Variants in NRDC observed in about 807,000 individuals in gnomAD.
The protein encoded by NRDC is nardilysin.
Under a neutral mutation model 147.1 loss-of-function variants are expected in NRDC, and 54 were observed. That is an observed-to-expected ratio of 0.37 (90% CI 0.29 to 0.46). The LOEUF is 0.46. Ranked by LOEUF, NRDC falls within the 20% of genes least tolerant of loss-of-function variation. The pLI is 1.00. For synonymous variants in NRDC, 440 were observed against 482.1 expected (o/e 0.91, Z 1.14); for missense variants, 1,082 against 1,370.6 (o/e 0.79, Z 3.33).
At chr1:51,836,083 G>T in intron 3 of NRDC, 48 bp downstream of exon 3, 2 of 1,391,106 alleles carry the variant, frequency 1.4e-6, no homozygotes, top group Non-Finnish European at 2.0e-6. Flanking sequence ...ATATAAGTTT[G>T]GAGGGGGGAA....
chr1:51,812,069 CAT>C lies in NRDC; in HGVS notation c.1702_1703del (p.Met568ValfsTer2), dbSNP rs777243211. ...QTDPVEYVEN[M>X]CENMQLYPLQ... ...ATGGGTACAGCTGCATGTTCTCACA[CAT>C]GTTTTCCACATACTCAACTGGATCT... On this transcript the variant is annotated frameshift_variant, in exon 15 of 31. Coordinates refer to ENST00000352171, the MANE Select transcript of NRDC (RefSeq NM_001101662.2). LOFTEE classifies it high-confidence loss of function. 1.1e-5 allele frequency: 17 copies of C among 1,613,858 alleles called. No individual in the cohort carries two copies. The highest frequency in any genetic ancestry group is 1.7e-5 in the Admixed American group (1 of 60,006).
intron 1 of NRDC, among the ~76,000 whole-genome samples, chr1:51,855,723 A>G (rs1682202379): frequency 6.6e-6 from 1 of 152,104 alleles, no homozygotes; most frequent in African/African-American, 2.4e-5. Context: ...TACAAAAAAA[A>G]GTAGCTAGGT....
In NRDC at chr1:51,809,372, T is replaced by C; in HGVS notation, c.1933A>G (p.Asn645Asp). The change falls in exon 17 of 31, where the codon AAT (asparagine) becomes GAT (aspartate). Residue 645 changes from asparagine to aspartate, a missense_variant. Asn to Asp is a conservative substitution (Grantham distance 23, BLOSUM62 1). Coordinates refer to ENST00000352171, the MANE Select transcript of NRDC (RefSeq NM_001101662.2). ...TCTGGATTTAATTCGAAATTACTAT[T>C]CCACAGTTCAGCCCAAGAGTTTTCA... ...DIENSWAELW[N>D]SNFELNPDLH... 6.2e-7 allele frequency: 1 copy of C among 1,613,676 alleles called. No individual in the cohort carries two copies. Among genetic ancestry groups the C allele is most frequent in the Non-Finnish European group, 8.5e-7 (1 of 1,179,640 alleles).
intron 4 of NRDC, among the ~76,000 whole-genome samples, chr1:51,832,486 T>C (rs529141924): frequency 3.2e-4 from 49 of 152,376 alleles, no homozygotes; most frequent in African/African-American, 1.0e-3. Flanking sequence ...TACCAAATTA[T>C]TGATTTGCAG....
At chr1:51,819,666 C>T in intron 9 of NRDC, 134 bp downstream of exon 9, 1 of 656,862 alleles carries the variant, frequency 1.5e-6, no homozygotes, top group Non-Finnish European at 2.7e-6. Context: ...TCTCCATTGC[C>T]CATCTACTTC....
At chr1:51,869,871 T>C (rs1463955138) in intron 1 of NRDC, among the ~76,000 whole-genome samples, 3 of 152,214 alleles carry the variant, frequency 2.0e-5, no homozygotes, top group Non-Finnish European at 4.4e-5. Context: ...ATATTCATTT[T>C]CTCTGAAAAT....
At chr1:51,798,508 G>T in intron 21 of NRDC, 97 bp from the exon 22 acceptor site, 2 of 1,060,300 alleles carry the variant, frequency 1.9e-6, no homozygotes, top group Non-Finnish European at 2.7e-6. Flanking sequence ...TAAAGGATGT[G>T]TTTCTAAAGA....
chr1:51,792,369 G>A lies in NRDC; in HGVS notation c.2823+8C>T, dbSNP rs754074988. ...CTGAAAACCTCAGCATCTCCTTTAT[G>A]CACTTACCACAAGCAGCTCCATAAG... On this transcript the variant is annotated splice_region_variant and intron_variant, in intron 25 of 30. Transcript: ENST00000352171. 63 of 1,613,686 alleles carry A rather than the reference G, an allele frequency of 3.9e-5. No homozygotes were observed. The highest frequency in any genetic ancestry group is 5.1e-5 in the Non-Finnish European group (60 of 1,179,752).
At chr1:51,862,674 G>A (rs1368472803) in intron 1 of NRDC, among the ~76,000 whole-genome samples, 2 of 151,772 alleles carry the variant, frequency 1.3e-5, no homozygotes, top group East Asian at 3.9e-4. Flanking sequence ...AGTGAGCCAT[G>A]ATCATGACAC....
At position 51,853,417 on chromosome 1, in the gene NRDC, G is replaced by A. The variant is rs140492831; in HGVS notation, c.342-12903C>T. On this transcript the variant is annotated intron_variant, in intron 1 of 30. Transcript: ENST00000352171. ...GCTCTCTAAACATGTCAGAAATCCC[G>A]TATCTTAGCTGCAAGTAAATTAACT... Among the ~76,000 whole-genome samples the A allele has an allele frequency of 2.8e-4, 42 of 152,136 alleles. No individual in the cohort carries two copies. The East Asian group carries it at 6.6e-3, about 24-fold the overall frequency.
Position 51,806,741 on chromosome 1 carries a change from CT to C in NRDC, c.2110+52del, listed in dbSNP as rs557508085. 3.9e-3 allele frequency: 6,066 copies of C among 1,544,434 alleles called. 20 individuals carry two copies. The highest frequency in any genetic ancestry group is 7.1e-3 in the Middle Eastern group (42 of 5,894). On this transcript the variant is annotated intron_variant, in intron 18 of 30. Transcript: ENST00000352171. ...GATAATCACATGTGAAACAGAGCATCTAAAGAGAACACTGGAATTCAGCAGG... is the reference window on the plus strand; with the variant it reads ...GATAATCACATGTGAAACAGAGCATCAAAGAGAACACTGGAATTCAGCAGG...
In NRDC at chr1:51,798,246, C is replaced by T. The variant is rs1218572753; in HGVS notation, c.2604+3G>A. 6 of 1,614,056 alleles carry T rather than the reference C, an allele frequency of 3.7e-6. No individual in the cohort carries two copies. The highest frequency in any genetic ancestry group is 5.1e-6 in the Non-Finnish European group (6 of 1,179,934). On this transcript the variant is annotated splice_donor_region_variant and intron_variant, in intron 22 of 30. Coordinates refer to ENST00000352171, the MANE Select transcript of NRDC (RefSeq NM_001101662.2). Reference sequence around the variant, plus strand: ...CCTGGCCTACAGAGCATCTCACACTCACTGTGCTTGTGACATTCCCTTGTA... The same window carrying T: ...CCTGGCCTACAGAGCATCTCACACTTACTGTGCTTGTGACATTCCCTTGTA...
Position 51,823,795 on chromosome 1 carries a change from G to T in NRDC, c.1037-9C>A, listed in dbSNP as rs1328355672. ...GAGCGTCTCAGCATTTCCTATAAAA[G>T]AATGAAAAAAATTATAGATATAACT... is the stretch of plus-strand genomic sequence containing the variant. On this transcript the variant is annotated splice_polypyrimidine_tract_variant and intron_variant, in intron 6 of 30. Coordinates refer to ENST00000352171, the MANE Select transcript of NRDC (RefSeq NM_001101662.2). 9 of 1,568,194 alleles carry T rather than the reference G, an allele frequency of 5.7e-6. No homozygotes were observed. In the East Asian group the frequency reaches 2.0e-4, roughly 35 times the overall value.
intron 14 of NRDC, among the ~76,000 whole-genome samples, chr1:51,812,961 CAAAAAAAAAAA>C (rs5774107): frequency 1.4e-5 from 1 of 71,818 alleles, no homozygotes; most frequent in African/African-American, 6.2e-5. Context: ...GACTCTGTCT[CAAAAAAAAAAA>C]AAAAAAAAAA....
intron 9 of NRDC, among the ~76,000 whole-genome samples, 155 bp from the exon 10 acceptor site, chr1:51,818,290 G>A (rs1350406251): frequency 3.3e-5 from 5 of 152,172 alleles, no homozygotes; most frequent in Admixed American, 6.5e-5. Flanking sequence ...TTTCCAACTC[G>A]AATAATGCAA....
chr1:51,873,323 A>G (rs1057080026), intron 1 of NRDC, among the ~76,000 whole-genome samples: 2 of 152,196 alleles, frequency 1.3e-5, no homozygotes, highest in Non-Finnish European at 2.9e-5. Context: ...CAGGAAGCCA[A>G]CAAATGTTAG....
intron 2 of NRDC, chr1:51,837,723 T>C: frequency 1.2e-6 from 1 of 844,144 alleles, no homozygotes; most frequent in Non-Finnish European, 1.7e-6. Flanking sequence ...CAAATCTTAA[T>C]TCAATGTATA....
intron 21 of NRDC, 93 bp from the exon 22 acceptor site, chr1:51,798,504 ATG>A (rs1679039661): frequency 9.0e-7 from 1 of 1,112,286 alleles, no homozygotes; most frequent in Admixed American, 2.4e-5. Context: ...TCTATAAAGG[ATG>A]TGTTTCTAAA....
intron 1 of NRDC, among the ~76,000 whole-genome samples, chr1:51,846,443 C>G (rs1253341889): frequency 6.6e-6 from 1 of 152,218 alleles, no homozygotes; most frequent in Admixed American, 6.5e-5. Flanking sequence ...AACATTTTCA[C>G]TCTTTTTGTG....
Sources: allele counts gnomAD v4.1 joint callset (sites outside exome capture counted in the v4.1 genomes callset), GRCh38; gene constraint gnomAD v4.1.1; transcripts MANE v1.5; gene names NCBI Gene and HGNC (gene_info 2026-07-23, HGNC 2026-07-21).